The following ANKS1B variants were observed in gnomAD, a reference collection of about 807,000 sequenced individuals.
ANKS1B encodes the protein ankyrin repeat and sterile alpha motif domain-containing protein 1B.
A neutral mutation model predicts 148.3 loss-of-function variants in ANKS1B; 36 were observed. That is an observed-to-expected ratio of 0.24 (90% CI 0.19 to 0.32). The LOEUF is 0.32. Ranked by LOEUF, ANKS1B falls within the 10% of genes least tolerant of loss-of-function variation. The pLI is 1.00. For synonymous variants in ANKS1B, 542 were observed against 560.8 expected (o/e 0.97, Z 0.47); for missense variants, 1,157 against 1,542.6 (o/e 0.75, Z 4.19).
chr12:99,154,827 C>T, intron 14 of ANKS1B: 1 of 1,519,300 alleles, frequency 6.6e-7, no homozygotes, highest in Non-Finnish European at 8.8e-7. Flanking sequence ...TATGCAGCTC[C>T]ATGCTCCTTG....
intron 12 of ANKS1B, among the ~76,000 whole-genome samples, chr12:99,247,244 C>A (rs942551314): frequency 9.2e-5 from 14 of 152,122 alleles, no homozygotes; most frequent in African/African-American, 3.4e-4. Context: ...GTAAATGAAT[C>A]ATCGTGAAGT....
At chr12:99,828,977 T>C (rs1347506193) in intron 1 of ANKS1B, among the ~76,000 whole-genome samples, 3 of 152,010 alleles carry the variant, frequency 2.0e-5, no homozygotes, top group African/African-American at 7.3e-5. Flanking sequence ...AATGAGACTC[T>C]GTCTCAAAAA....
In ANKS1B at chr12:99,742,075, G is replaced by A. The variant is rs555763523; in HGVS notation, c.1128+30847C>T. Among the ~76,000 whole-genome samples the A allele has an allele frequency of 2.8e-4, 43 of 151,888 alleles. No individual in the cohort carries two copies. The East Asian group carries it at 5.0e-3, about 18-fold the overall frequency. The stretch of plus-strand genomic sequence containing the variant: ...ATGAGAACACATGGACACATACAGC[G>A]GAACAATACACACTGGAGCCTATTG... On this transcript the variant is annotated intron_variant, in intron 8 of 26. Transcript: ENST00000683438.
intron 12 of ANKS1B, among the ~76,000 whole-genome samples, chr12:99,346,678 G>A (rs926093766): frequency 6.6e-6 from 1 of 151,946 alleles, no homozygotes; most frequent in African/African-American, 2.4e-5. Flanking sequence ...TGAAATTCTG[G>A]AAAATGGGAT....
intron 17 of ANKS1B, among the ~76,000 whole-genome samples, chr12:98,856,019 G>T (rs1327534633): frequency 1.3e-5 from 2 of 152,166 alleles, no homozygotes; most frequent in Non-Finnish European, 2.9e-5. Flanking sequence ...GACTTTCTCT[G>T]GTCTGCTCTT....
chr12:99,799,559 G>A (rs115176282), intron 4 of ANKS1B, among the ~76,000 whole-genome samples: 2 of 152,260 alleles, frequency 1.3e-5, no homozygotes, highest in African/African-American at 2.4e-5. Flanking sequence ...CTGGAGCATA[G>A]TGCCTGGTAG....
intron 14 of ANKS1B, among the ~76,000 whole-genome samples, chr12:99,191,858 G>A (rs963945871): frequency 1.3e-5 from 2 of 152,094 alleles, no homozygotes; most frequent in Non-Finnish European, 2.9e-5. Flanking sequence ...AATTGGCTGG[G>A]TGCGGTGGCT....
At chr12:99,666,681 A>T (rs2098508698) in intron 8 of ANKS1B, among the ~76,000 whole-genome samples, 1 of 152,138 alleles carries the variant, frequency 6.6e-6, no homozygotes. Flanking sequence ...AAATCTTTCA[A>T]ATGGTATTAT....
intron 8 of ANKS1B, among the ~76,000 whole-genome samples, chr12:99,701,735 C>T (rs2054860082): frequency 6.6e-6 from 1 of 152,052 alleles, no homozygotes; most frequent in African/African-American, 2.4e-5. Flanking sequence ...TACTCTCTGT[C>T]CCCATAAGTT....
chr12:99,487,878 A>G (rs2152956963), intron 10 of ANKS1B, among the ~76,000 whole-genome samples: 1 of 152,252 alleles, frequency 6.6e-6, no homozygotes, highest in African/African-American at 2.4e-5. Flanking sequence ...CTAATATTAT[A>G]TTTCTTCATT....
At chr12:99,204,201 T>C (rs1367939627) in intron 14 of ANKS1B, among the ~76,000 whole-genome samples, 1 of 152,228 alleles carries the variant, frequency 6.6e-6, no homozygotes, top group East Asian at 1.9e-4. Flanking sequence ...TTTCAAGTAA[T>C]ATCAATGTTT....
At chr12:99,412,016 T>G (rs1376283771) in intron 11 of ANKS1B, among the ~76,000 whole-genome samples, 1 of 152,258 alleles carries the variant, frequency 6.6e-6, no homozygotes, top group East Asian at 1.9e-4. Context: ...CACATAATTT[T>G]AGGCATTTTG....
At chr12:99,030,730 TACTC>T (rs1226956435) in intron 17 of ANKS1B, among the ~76,000 whole-genome samples, 3 of 152,248 alleles carry the variant, frequency 2.0e-5, no homozygotes, top group Non-Finnish European at 4.4e-5. Context: ...AGGAAATTCT[TACTC>T]ACCAGTTGTC....
At chr12:98,854,573 C>G (rs2099551768) in intron 17 of ANKS1B, among the ~76,000 whole-genome samples, 1 of 152,212 alleles carries the variant, frequency 6.6e-6, no homozygotes, top group African/African-American at 2.4e-5. Flanking sequence ...CACTTGCACT[C>G]CCTTCACCAT....
At chr12:99,766,084 C>G (rs569211101) in intron 8 of ANKS1B, among the ~76,000 whole-genome samples, 9 of 152,232 alleles carry the variant, frequency 5.9e-5, no homozygotes, top group African/African-American at 2.2e-4. Context: ...AATTCATCTC[C>G]AAATAATTAA....
At chr12:99,170,013 G>T (rs2077584772) in intron 14 of ANKS1B, among the ~76,000 whole-genome samples, 1 of 152,128 alleles carries the variant, frequency 6.6e-6, no homozygotes, top group Admixed American at 6.5e-5. Flanking sequence ...CTTTGTTGTT[G>T]TTTATTCTCC....
At chr12:99,496,915 G>A (rs1171595906) in intron 10 of ANKS1B, among the ~76,000 whole-genome samples, 2 of 152,118 alleles carry the variant, frequency 1.3e-5, no homozygotes, top group East Asian at 3.9e-4. Context: ...AGCCAGGCAG[G>A]TTGTGTGCTG....
At chr12:98,869,682 T>TGCACATACACAC (rs71081887) in intron 17 of ANKS1B, among the ~76,000 whole-genome samples, 5 of 151,516 alleles carry the variant, frequency 3.3e-5, no homozygotes, top group African/African-American at 1.2e-4. Context: ...GTGGAATGCA[T>TGCACATACACAC]ACATATGTAT....
At chr12:99,383,809 T>C (rs55658029) in intron 12 of ANKS1B, among the ~76,000 whole-genome samples, 15,431 of 136,310 alleles carry the variant, frequency 0.11, 834 homozygotes, top group Middle Eastern at 0.13. Flanking sequence ...GCCCAGGAGT[T>C]CAAGACCAGC....
Sources: gnomAD v4.1 joint callset for allele counts (sites outside exome capture counted in the v4.1 genomes callset) on GRCh38, gnomAD v4.1.1 for gene constraint, MANE v1.5 for transcripts, NCBI Gene and HGNC (gene_info 2026-07-23, HGNC 2026-07-21) for gene names.